LSAMP: variants seen among roughly 807,000 people sequenced by gnomAD.
The protein encoded by LSAMP is limbic system associated membrane protein, also known as limbic system-associated membrane protein.
A neutral mutation model predicts 38.6 loss-of-function variants in LSAMP; 7 were observed. That is an observed-to-expected ratio of 0.18 (90% CI 0.10 to 0.34). LSAMP has a LOEUF of 0.34. Ranked by LOEUF, LSAMP falls within the 10% of genes least tolerant of loss-of-function variation. LSAMP has a pLI of 1.00. For missense variants in LSAMP, 313 were observed against 420.0 expected, an observed-to-expected ratio of 0.75 and a Z score of 2.23; for synonymous variants, 154 against 166.8, an observed-to-expected ratio of 0.92 and a Z score of 0.59.
intron 3 of LSAMP, among the ~76,000 whole-genome samples, chr3:115,853,857 T>C (rs1935410318): frequency 6.6e-6 from 1 of 152,216 alleles, no homozygotes; most frequent in African/African-American, 2.4e-5. Flanking sequence ...CTGGTCATTC[T>C]CTACTAAATG....
intron 1 of LSAMP, among the ~76,000 whole-genome samples, chr3:116,318,135 C>CAAA (rs373392802): frequency 0.039 from 3,983 of 101,426 alleles, 246 homozygotes; most frequent in African/African-American, 0.12. Flanking sequence ...GACTCCATCT[C>CAAA]AAAAAAAAAA....
chr3:115,865,370 A>T (rs903273030), intron 3 of LSAMP, among the ~76,000 whole-genome samples: 3 of 152,168 alleles, frequency 2.0e-5, no homozygotes, highest in Non-Finnish European at 2.9e-5. Context: ...CATATTACTC[A>T]ATACCCTTTA....
At chr3:116,327,822 A>G (rs565796426) in intron 1 of LSAMP, among the ~76,000 whole-genome samples, 1 of 152,292 alleles carries the variant, frequency 6.6e-6, no homozygotes, top group African/African-American at 2.4e-5. Flanking sequence ...AAAAATTTTA[A>G]CAAGCAGCAT....
At chr3:116,148,852 T>C (rs1709545941) in intron 1 of LSAMP, among the ~76,000 whole-genome samples, 1 of 152,034 alleles carries the variant, frequency 6.6e-6, no homozygotes, top group African/African-American at 2.4e-5. Context: ...GTAGTTTGCA[T>C]TTAACAAACT....
chr3:116,413,952 C>T (rs945461462), intron 1 of LSAMP, among the ~76,000 whole-genome samples: 2 of 151,294 alleles, frequency 1.3e-5, no homozygotes, highest in African/African-American at 4.9e-5. Context: ...TGCAATCAGT[C>T]CTTTTTGTCC....
intron 1 of LSAMP, among the ~76,000 whole-genome samples, chr3:116,211,578 A>C (rs949966507): frequency 6.6e-6 from 1 of 152,246 alleles, no homozygotes; most frequent in Non-Finnish European, 1.5e-5. Context: ...AAGGGATTTT[A>C]GGGGGTCCAA....
At chr3:116,317,386 C>G (rs1282802339) in intron 1 of LSAMP, among the ~76,000 whole-genome samples, 1 of 148,866 alleles carries the variant, frequency 6.7e-6, no homozygotes, top group South Asian at 2.1e-4. Context: ...GACGGAGTCT[C>G]GCTCTGTCTC....
intron 1 of LSAMP, among the ~76,000 whole-genome samples, chr3:116,338,229 G>A (rs979879711): frequency 6.6e-6 from 1 of 151,924 alleles, no homozygotes; most frequent in Non-Finnish European, 1.5e-5. Flanking sequence ...GTGGTCTAGT[G>A]AGCTTAGGAA....
At chr3:116,022,957 T>C (rs989415233) in intron 2 of LSAMP, among the ~76,000 whole-genome samples, 3 of 152,116 alleles carry the variant, frequency 2.0e-5, no homozygotes, top group East Asian at 3.9e-4. Flanking sequence ...TCAGGCAGAA[T>C]TGTCTAAGCA....
intron 1 of LSAMP, among the ~76,000 whole-genome samples, chr3:116,097,876 C>T (rs926536560): frequency 6.6e-6 from 1 of 151,900 alleles, no homozygotes; most frequent in Non-Finnish European, 1.5e-5. Flanking sequence ...GCTGGTGTTA[C>T]AGGCATGCAC....
At chr3:116,283,393 G>A (rs552772562) in intron 1 of LSAMP, among the ~76,000 whole-genome samples, 1 of 152,246 alleles carries the variant, frequency 6.6e-6, no homozygotes, top group African/African-American at 2.4e-5. Context: ...TAAGGAAAAG[G>A]CATCCCTTTT....
At chr3:116,095,110 A>G (rs1300475831) in intron 1 of LSAMP, among the ~76,000 whole-genome samples, 2 of 152,204 alleles carry the variant, frequency 1.3e-5, no homozygotes, top group African/African-American at 4.8e-5. Context: ...CCCACTAAAC[A>G]TGTATTATTA....
intron 1 of LSAMP, among the ~76,000 whole-genome samples, chr3:116,225,479 G>C: frequency 6.6e-6 from 1 of 152,164 alleles, no homozygotes; most frequent in East Asian, 1.9e-4. Flanking sequence ...CACCCAGTAT[G>C]TGGTAATTTG....
In LSAMP at chr3:115,806,255, CA is replaced by C. The variant is rs1277479375; in HGVS notation, c.*4061del. On this transcript the variant is annotated 3_prime_UTR_variant, in exon 7 of 7. Coordinates refer to ENST00000490035, the MANE Select transcript of LSAMP (RefSeq NM_002338.5). ...TCAGTACTTTTCTTCCTTTTAAGAT[CA>C]AAACATTATTCTTAATTTGTCTTAT... The C allele has an allele frequency of 6.6e-6, 1 of 152,090 alleles. No homozygotes were observed. Among genetic ancestry groups the C allele is most frequent in the Non-Finnish European group, 1.5e-5 (1 of 68,014 alleles). 9.4% of individuals were successfully genotyped at this position (152,090 alleles called of 1,614,324 possible). A position where few individuals can be genotyped will look rare whatever the true frequency, so the allele number is the denominator to read the frequency against.
At chr3:115,952,428 G>A (rs960907870) in intron 3 of LSAMP, among the ~76,000 whole-genome samples, 2 of 152,204 alleles carry the variant, frequency 1.3e-5, no homozygotes, top group East Asian at 3.8e-4. Flanking sequence ...CAACCTGGAT[G>A]GAGTTGGAGA....
At chr3:116,387,566 G>A (rs77488831) in intron 1 of LSAMP, among the ~76,000 whole-genome samples, 4,098 of 152,178 alleles carry the variant, frequency 0.027, 72 homozygotes, top group Non-Finnish European at 0.04. Flanking sequence ...CAAAGGTTCC[G>A]TACACAAAAG....
chr3:116,129,187 A>T (rs1018714529), intron 1 of LSAMP, among the ~76,000 whole-genome samples: 1 of 152,166 alleles, frequency 6.6e-6, no homozygotes, highest in Admixed American at 6.6e-5. Flanking sequence ...TTATTTGGTA[A>T]TATAGAGGAG....
At chr3:115,977,876 T>C (rs1213109919) in intron 3 of LSAMP, among the ~76,000 whole-genome samples, 2 of 152,150 alleles carry the variant, frequency 1.3e-5, no homozygotes. Context: ...GACATAGTCT[T>C]TATGGCACTG....
intron 1 of LSAMP, among the ~76,000 whole-genome samples, chr3:116,100,992 G>A (rs1372504379): frequency 6.6e-6 from 1 of 152,142 alleles, no homozygotes; most frequent in African/African-American, 2.4e-5. Flanking sequence ...GCTTATGCTA[G>A]CATTTTAAGT....
Sources: gnomAD v4.1 joint callset for allele counts (sites outside exome capture counted in the v4.1 genomes callset) on GRCh38, gnomAD v4.1.1 for gene constraint, MANE v1.5 for transcripts, NCBI Gene and HGNC (gene_info 2026-07-23, HGNC 2026-07-21) for gene names.